The following SPATS2L variants were observed in gnomAD, a reference collection of about 807,000 sequenced individuals.
The protein encoded by SPATS2L is SPATS2-like protein.
Under a neutral mutation model 59.6 loss-of-function variants are expected in SPATS2L, and 30 were observed. The ratio of observed to expected loss-of-function variants is 0.50; its 90% CI spans 0.38 to 0.68. The LOEUF (loss-of-function observed/expected upper bound fraction) is 0.68, where lower values mean the gene tolerates loss of function less well. SPATS2L is among the 30% of genes least tolerant of loss of function. The probability of loss-of-function intolerance (pLI) is 0.00; values close to 1 mark genes in which losing one functional copy is unlikely to be tolerated. For missense variants in SPATS2L, 615 were observed against 700.0 expected (o/e 0.88, Z 1.37); for synonymous variants, 252 against 263.5 (o/e 0.96, Z 0.42).
intron 2 of SPATS2L, among the ~76,000 whole-genome samples, chr2:200,340,850 C>T (rs1188361866): frequency 6.6e-6 from 1 of 152,074 alleles, no homozygotes; most frequent in East Asian, 1.9e-4. Flanking sequence ...GAACTTTTGC[C>T]CTTGCTCTTC....
intron 2 of SPATS2L, among the ~76,000 whole-genome samples, chr2:200,363,882 G>C (rs1263733050): frequency 6.6e-6 from 1 of 152,210 alleles, no homozygotes; most frequent in African/African-American, 2.4e-5. Context: ...GGGAGGTTGT[G>C]GTGGAAGATC....
At chr2:200,458,782 T>C (rs2086035089) in intron 8 of SPATS2L, among the ~76,000 whole-genome samples, 2 of 152,178 alleles carry the variant, frequency 1.3e-5, no homozygotes, top group Non-Finnish European at 2.9e-5. Context: ...GAATACTAAG[T>C]AGATATCTGA....
chr2:200,380,613 C>T (rs1182638142), intron 2 of SPATS2L, among the ~76,000 whole-genome samples: 2 of 152,208 alleles, frequency 1.3e-5, no homozygotes, highest in Non-Finnish European at 2.9e-5. Context: ...TTTCTTTCTT[C>T]CCCCCACAAA....
chr2:200,389,385 T>G (rs2082099460), intron 3 of SPATS2L, 102 bp downstream of exon 3: 3 of 779,654 alleles, frequency 3.8e-6, no homozygotes, highest in South Asian at 3.5e-5. Context: ...AAAGTGGTTT[T>G]GGGGGATACG....
intron 8 of SPATS2L, among the ~76,000 whole-genome samples, chr2:200,458,709 T>C (rs1001582140): frequency 2.7e-5 from 4 of 150,642 alleles, no homozygotes; most frequent in Non-Finnish European, 1.5e-5. Context: ...AGGGCTTGTT[T>C]AGATCCTGGT....
intron 8 of SPATS2L, among the ~76,000 whole-genome samples, chr2:200,454,366 C>T (rs2085686857): frequency 1.3e-5 from 2 of 152,290 alleles, no homozygotes; most frequent in South Asian, 4.2e-4. Flanking sequence ...TGACATGACT[C>T]ACCCAAGCTT....
chr2:200,390,014 C>T (rs563738982), intron 3 of SPATS2L: 1 of 152,394 alleles, frequency 6.6e-6, no homozygotes, highest in South Asian at 2.1e-4. Flanking sequence ...GGCCCTAGCA[C>T]TGGTTTGCTA....
At chr2:200,370,043 A>T (rs199570019) in intron 2 of SPATS2L, among the ~76,000 whole-genome samples, 1 of 152,192 alleles carries the variant, frequency 6.6e-6, no homozygotes, top group African/African-American at 2.4e-5. Flanking sequence ...GTGCCTCGTC[A>T]TGGACTGGGG....
intron 1 of SPATS2L, among the ~76,000 whole-genome samples, chr2:200,327,492 G>C (rs930402567): frequency 6.6e-6 from 1 of 152,126 alleles, no homozygotes; most frequent in Non-Finnish European, 1.5e-5. Flanking sequence ...TTACCAAAGT[G>C]CTGCTTCTTT....
At chr2:200,357,700 A>G (rs1397549020) in intron 2 of SPATS2L, among the ~76,000 whole-genome samples, 1 of 152,198 alleles carries the variant, frequency 6.6e-6, no homozygotes, top group Non-Finnish European at 1.5e-5. Flanking sequence ...CCCATTTCAC[A>G]TGAAATGACA....
chr2:200,382,619 T>C (rs1357043297), intron 2 of SPATS2L, among the ~76,000 whole-genome samples: 1 of 152,182 alleles, frequency 6.6e-6, no homozygotes, highest in African/African-American at 2.4e-5. Flanking sequence ...CCAATGGCCG[T>C]GGGCTTGCTG....
chr2:200,335,786 A>ATT (rs2080122954), intron 2 of SPATS2L, among the ~76,000 whole-genome samples: 2 of 152,298 alleles, frequency 1.3e-5, no homozygotes, highest in Non-Finnish European at 1.5e-5. Context: ...TAGGACTTGC[A>ATT]TTTACATTCA....
chr2:200,407,606 G>A (rs1195443225), intron 3 of SPATS2L, among the ~76,000 whole-genome samples: 1 of 152,130 alleles, frequency 6.6e-6, no homozygotes, highest in East Asian at 1.9e-4. Flanking sequence ...GGCAGTTACT[G>A]TGCTTTTTCA....
intron 6 of SPATS2L, among the ~76,000 whole-genome samples, chr2:200,429,645 T>G (rs890300564): frequency 6.6e-6 from 1 of 152,122 alleles, no homozygotes; most frequent in Non-Finnish European, 1.5e-5. Context: ...TTCCTGTGAA[T>G]AATAATAATT....
intron 9 of SPATS2L, among the ~76,000 whole-genome samples, chr2:200,466,927 G>T (rs1449646591): frequency 6.6e-6 from 1 of 152,196 alleles, no homozygotes; most frequent in Non-Finnish European, 1.5e-5. Context: ...TGTCTTGGCG[G>T]TATCACTCAG....
intron 4 of SPATS2L, 41 bp from the exon 5 acceptor site, chr2:200,416,338 A>G (rs929867993): frequency 2.7e-6 from 3 of 1,093,242 alleles, no homozygotes; most frequent in East Asian, 3.0e-5. Context: ...GTGGTGTTTT[A>G]TGATGTGAAT....
chr2:200,416,249 A>G (rs1192052166), intron 4 of SPATS2L, 130 bp from the exon 5 acceptor site: 1 of 428,436 alleles, frequency 2.3e-6, no homozygotes, highest in Middle Eastern at 5.7e-4. Context: ...TTAAGATAGG[A>G]TGTATCAAAA....
chr2:200,323,337 A>G (rs1449511941), intron 1 of SPATS2L, among the ~76,000 whole-genome samples: 1 of 152,176 alleles, frequency 6.6e-6, no homozygotes, highest in African/African-American at 2.4e-5. Context: ...GGTTCACCCA[A>G]AAGTTTGCTT....
chr2:200,333,192 G>A (rs990731482), intron 2 of SPATS2L, among the ~76,000 whole-genome samples: 1 of 151,770 alleles, frequency 6.6e-6, no homozygotes, highest in Non-Finnish European at 1.5e-5. Context: ...AGGCTGAGGT[G>A]GGAGGATCAG....
Sources: allele counts gnomAD v4.1 joint callset (sites outside exome capture counted in the v4.1 genomes callset), GRCh38; gene constraint gnomAD v4.1.1; transcripts MANE v1.5; gene names NCBI Gene and HGNC (gene_info 2026-07-23, HGNC 2026-07-21).